COL26A1: variants seen among roughly 807,000 people sequenced by gnomAD.
The protein encoded by COL26A1 is collagen alpha-1(XXVI) chain.
A neutral mutation model predicts 59.3 loss-of-function variants in COL26A1; 41 were observed. The observed-to-expected ratio is 0.69, with a 90% CI of 0.54 to 0.90. The LOEUF (loss-of-function observed/expected upper bound fraction) is 0.90, where lower values mean the gene tolerates loss of function less well. COL26A1 is among the 40% of genes least tolerant of loss of function. The pLI is 0.00. For synonymous variants in COL26A1, 266 were observed against 256.0 expected, an observed-to-expected ratio of 1.04 and a Z score of -0.37; for missense variants, 612 against 602.3, an observed-to-expected ratio of 1.02 and a Z score of -0.17.
chr7:101,526,678 C>G (rs1160769754), intron 3 of COL26A1, among the ~76,000 whole-genome samples: 1 of 152,232 alleles, frequency 6.6e-6, no homozygotes, highest in Non-Finnish European at 1.5e-5. Context: ...TCACCAGGAG[C>G]AGTGCTGACC....
chr7:101,510,449 C>G (rs1002170815), intron 3 of COL26A1, among the ~76,000 whole-genome samples: 1 of 152,228 alleles, frequency 6.6e-6, no homozygotes, highest in Non-Finnish European at 1.5e-5. Flanking sequence ...GCACCTCATC[C>G]CATGTCACAC....
intron 3 of COL26A1, among the ~76,000 whole-genome samples, chr7:101,517,027 C>T (rs748465869): frequency 3.0e-4 from 45 of 152,102 alleles, no homozygotes; most frequent in Non-Finnish European, 5.9e-4. Context: ...ACCATGGCAA[C>T]TGCCTCCTGC....
chr7:101,468,241 G>A (rs1793811489), intron 3 of COL26A1, among the ~76,000 whole-genome samples: 1 of 151,350 alleles, frequency 6.6e-6, no homozygotes, highest in Non-Finnish European at 1.5e-5. Flanking sequence ...AGGTGGAGGT[G>A]CAGCCAGCCA....
chr7:101,374,580 C>T lies in COL26A1; in HGVS notation c.158+11390C>T, dbSNP rs1327706926. On this transcript the variant is annotated intron_variant, in intron 1 of 12. Transcript: ENST00000313669. ...CCAGCCCTGTTGTAAACTGCACAGG[C>T]GAGGGATCTAGGTTATGCACTTTTA... Among the ~76,000 whole-genome samples the T allele has an allele frequency of 9.2e-5, 14 of 152,200 alleles. No homozygotes were observed. The East Asian group carries it at 9.7e-4, about 11-fold the overall frequency.
chr7:101,525,242 C>A (rs1395095668), intron 3 of COL26A1, among the ~76,000 whole-genome samples: 1 of 126,644 alleles, frequency 7.9e-6, no homozygotes, highest in African/African-American at 3.1e-5. Context: ...AATGCAGTGG[C>A]GTGATCTCAG....
rs748238552 is a variant in COL26A1, at chr7:101,422,040, G to A, written c.281+1941G>A. 5.9e-5 allele frequency among the ~76,000 whole-genome samples: 9 copies of A among 152,178 alleles called. No individual in the cohort carries two copies. The South Asian group carries it at 1.5e-3, about 25-fold the overall frequency. On this transcript the variant is annotated intron_variant, in intron 2 of 12. Transcript: ENST00000313669. ...AGAAACAGCTGCTTTTGCCAGTTGC[G>A]GTGGCTCACGCCTGTAATCCCAGCA...
At chr7:101,372,919 C>G (rs1791227419) in intron 1 of COL26A1, among the ~76,000 whole-genome samples, 1 of 152,142 alleles carries the variant, frequency 6.6e-6, no homozygotes, top group South Asian at 2.1e-4. Context: ...TGCTTGAGCC[C>G]AGGAGTTTGA....
chr7:101,396,686 T>C lies in COL26A1; in HGVS notation c.159-23291T>C, dbSNP rs141272845. ...CATGTTGGCCAGGCTGGTCTTGAAC[T>C]CCTGACCTCAAGTGATCCACCCACC... is the stretch of plus-strand genomic sequence containing the variant. On this transcript the variant is annotated intron_variant, in intron 1 of 12. Transcript: ENST00000313669. Among the ~76,000 whole-genome samples the C allele has an allele frequency of 5.3e-3, 807 of 152,236 alleles. 9 individuals carry two copies. Among genetic ancestry groups the C allele is most frequent in the African/African-American group, 0.019 (778 of 41,546 alleles).
rs760498954 is a variant in COL26A1 at position 101,544,013 on chromosome 7, C to T, written c.620C>T (p.Thr207Ile). ...CTCTCCCCAGGGCCCCCGGGGCAGA[C>T]AGGACCACCAGGGCCTGCAGGCCCC... ...PTGPAGPPGQ[T>I]GPPGPAGPPG... Residue 207 changes from threonine (T) to isoleucine (I), a missense_variant, in exon 6 of 13, where the codon ACA becomes ATA. Physicochemically the swap from Thr to Ile is moderately conservative, Grantham distance 89 (BLOSUM62 -1). Transcript: ENST00000313669. 3.2e-6 allele frequency: 5 copies of T among 1,583,670 alleles called. No homozygotes were observed. In the East Asian group the frequency reaches 1.1e-4, roughly 36 times the overall value.
chr7:101,442,910 A>C lies in COL26A1; in HGVS notation c.282-4774A>C, dbSNP rs931572773. Among the ~76,000 whole-genome samples the C allele has an allele frequency of 3.3e-5, 5 of 151,504 alleles. No homozygotes were observed. The South Asian group carries it at 1.0e-3, about 32-fold the overall frequency. Reference sequence around the variant, plus strand: ...GTGTGCAAGCACGAGTGTGCACACGAGTGTGAGAGAGCAAATGAGTGTGTG... The same window carrying C: ...GTGTGCAAGCACGAGTGTGCACACGCGTGTGAGAGAGCAAATGAGTGTGTG... On this transcript the variant is annotated intron_variant, in intron 2 of 12. Coordinates refer to ENST00000313669, the MANE Select transcript of COL26A1 (RefSeq NM_001278563.3).
intron 3 of COL26A1, among the ~76,000 whole-genome samples, chr7:101,528,252 G>C (rs1795290903): frequency 6.6e-6 from 1 of 152,186 alleles, no homozygotes; most frequent in South Asian, 2.1e-4. Context: ...GTCTTTGAGA[G>C]AGCTGGGCCT....
intron 1 of COL26A1, among the ~76,000 whole-genome samples, chr7:101,374,636 G>T (rs1791266670): frequency 1.3e-5 from 2 of 152,144 alleles, no homozygotes; most frequent in African/African-American, 4.8e-5. Flanking sequence ...ATCTGTCATT[G>T]TCTCCCATCA....
At chr7:101,489,611 TTC>T (rs1794342609) in intron 3 of COL26A1, among the ~76,000 whole-genome samples, 1 of 46,736 alleles carries the variant, frequency 2.1e-5, no homozygotes, top group South Asian at 7.4e-4. Flanking sequence ...TTTTCTTTCT[TTC>T]TTTCTTTCTT....
intron 1 of COL26A1, among the ~76,000 whole-genome samples, chr7:101,396,855 C>T (rs930102078): frequency 1.3e-5 from 2 of 152,120 alleles, no homozygotes; most frequent in Non-Finnish European, 2.9e-5. Flanking sequence ...AATGCAGCTC[C>T]CTAGAGCAAG....
chr7:101,525,109 G>C (rs1795214425), intron 3 of COL26A1, among the ~76,000 whole-genome samples: 1 of 149,158 alleles, frequency 6.7e-6, no homozygotes, highest in African/African-American at 2.5e-5. Context: ...AGCTTTCTAA[G>C]AGCCAGGTGG....
chr7:101,512,516 G>A (rs575915192), intron 3 of COL26A1, among the ~76,000 whole-genome samples: 1 of 152,266 alleles, frequency 6.6e-6, no homozygotes, highest in East Asian at 1.9e-4. Context: ...AAGCTACTAG[G>A]GAGGCTGAGG....
intron 10 of COL26A1, among the ~76,000 whole-genome samples, chr7:101,552,636 G>C (rs914446900): frequency 6.6e-6 from 1 of 152,052 alleles, no homozygotes; most frequent in African/African-American, 2.4e-5. Flanking sequence ...GCTGGGTGCG[G>C]TGGCTCACGC....
Position 101,533,998 on chromosome 7 carries a change from G to A in COL26A1, c.447+855G>A, listed in dbSNP as rs115607644. Among the ~76,000 whole-genome samples, 1,312 of 152,326 alleles carry A rather than the reference G, an allele frequency of 8.6e-3. 21 individuals carry two copies. Among genetic ancestry groups the A allele is most frequent in the African/African-American group, 0.03 (1,268 of 41,574 alleles). On this transcript the variant is annotated intron_variant, in intron 4 of 12. Transcript: ENST00000313669. The stretch of plus-strand genomic sequence containing the variant: ...GCGCCAACAGTGTCTGCCCCGATGG[G>A]GACAAGCCCCGTTCTCACCCAGAGG...
At chr7:101,557,333 G>A in intron 12 of COL26A1, 37 bp from the exon 13 acceptor site, 2 of 1,590,452 alleles carry the variant, frequency 1.3e-6, no homozygotes, top group Non-Finnish European at 1.7e-6. Flanking sequence ...TGTTCCTAAG[G>A]CTCTACCTCG....
Sources: allele counts gnomAD v4.1 joint callset (sites outside exome capture counted in the v4.1 genomes callset), GRCh38; gene constraint gnomAD v4.1.1; transcripts MANE v1.5; gene names NCBI Gene and HGNC (gene_info 2026-07-23, HGNC 2026-07-21).